TEX10: variants seen among roughly 807,000 people sequenced by gnomAD.
TEX10 encodes testis expressed 10, also known as testis-expressed protein 10.
TEX10 carries 24 observed loss-of-function variants against 104.4 expected under a neutral mutation model. That is an observed-to-expected ratio of 0.23 (90% confidence interval 0.17 to 0.32). TEX10 has a LOEUF of 0.32. TEX10 is among the 10% of genes least tolerant of loss of function. The pLI is 1.00. For missense variants in TEX10, 921 were observed against 1,083.9 expected (o/e 0.85, Z 2.11); for synonymous variants, 396 against 393.4 (o/e 1.01, Z -0.08).
chr9:100,352,381 C>G lies in TEX10; in HGVS notation c.-10+391G>C, dbSNP rs371872210. The stretch of plus-strand genomic sequence containing the variant: ...AGGGGACGCCAGCTCATCCCCACTC[C>G]GTATTCGGTCCTGCATCCATCCCAG... On this transcript the variant is annotated intron_variant, in intron 1 of 14. Transcript: ENST00000374902. 14 of 1,551,594 alleles carry G rather than the reference C, an allele frequency of 9.0e-6. No homozygotes were observed. In the African/African-American group the frequency reaches 1.9e-4, roughly 21 times the overall value.
chr9:100,333,636 TAAAA>T (rs60509628), intron 5 of TEX10, among the ~76,000 whole-genome samples: 62 of 109,762 alleles, frequency 5.6e-4, no homozygotes, highest in East Asian at 4.6e-3. Flanking sequence ...GACCCCATCA[TAAAA>T]AAAAAAAAAA....
chr9:100,326,164 T>G, intron 9 of TEX10, 138 bp downstream of exon 9: 1 of 834,616 alleles, frequency 1.2e-6, no homozygotes, highest in Non-Finnish European at 1.8e-6. Flanking sequence ...CTCTACCTAG[T>G]GATATAGTTT....
intron 4 of TEX10, among the ~76,000 whole-genome samples, chr9:100,344,375 C>A (rs2118927630): frequency 6.6e-6 from 1 of 152,232 alleles, no homozygotes; most frequent in Non-Finnish European, 1.5e-5. Flanking sequence ...TTAGTGTTAT[C>A]CAGATAAGAT....
In TEX10 at chr9:100,349,166, A is replaced by C. The variant is rs1280138994; in HGVS notation, c.180+18T>G. ...CCAAAGAAAATCTTATTTTGTCAAA[A>C]CATGATTTATGATTTACCTTTATGT... On this transcript the variant is annotated intron_variant, in intron 2 of 14. Transcript: ENST00000374902. 4.6e-6 allele frequency: 7 copies of C among 1,512,496 alleles called. No individual in the cohort carries two copies. The highest frequency in any genetic ancestry group is 6.2e-6 in the Non-Finnish European group (7 of 1,134,620). 93.7% of individuals were successfully genotyped at this position (1,512,496 alleles called of 1,614,324 possible). A position where few individuals can be genotyped will look rare whatever the true frequency, so the allele number is the denominator to read the frequency against.
chr9:100,306,828 T>C (rs1834155821), intron 13 of TEX10: 1 of 152,216 alleles, frequency 6.6e-6, no homozygotes, highest in Admixed American at 6.5e-5. Flanking sequence ...ATTTTGTTCA[T>C]TCCAGCCACA....
intron 5 of TEX10, among the ~76,000 whole-genome samples, chr9:100,339,349 CA>C (rs1264675577): frequency 4.4e-5 from 4 of 90,890 alleles, no homozygotes; most frequent in Middle Eastern, 6.3e-3. Flanking sequence ...ATATAATATA[CA>C]TTTTTATATA....
At chr9:100,340,622 G>A (rs1313272136) in intron 4 of TEX10, among the ~76,000 whole-genome samples, 1 of 152,152 alleles carries the variant, frequency 6.6e-6, no homozygotes, top group African/African-American at 2.4e-5. Flanking sequence ...AAAAGTGAAA[G>A]TATCTGAGAC....
chr9:100,347,557 G>A, intron 2 of TEX10, 151 bp from the exon 3 acceptor site: 1 of 546,114 alleles, frequency 1.8e-6, no homozygotes, highest in Middle Eastern at 5.1e-4. Context: ...GCTTTTGTTA[G>A]GATCAGAAAC....
At chr9:100,333,742 G>C (rs1587733447) in intron 5 of TEX10, among the ~76,000 whole-genome samples, 1 of 151,050 alleles carries the variant, frequency 6.6e-6, no homozygotes, top group Non-Finnish European at 1.5e-5. Flanking sequence ...GCTACAATAA[G>C]CAAGATAAGA....
intron 12 of TEX10, among the ~76,000 whole-genome samples, chr9:100,309,677 A>T (rs1834225917): frequency 6.6e-6 from 1 of 152,248 alleles, no homozygotes; most frequent in African/African-American, 2.4e-5. Flanking sequence ...TATTTTATCC[A>T]AACAAGTGTG....
rs367648075 is a variant in TEX10 at position 100,320,360 on chromosome 9, G to C, written c.2107C>G (p.Arg703Gly). ...KEELTWLQSL[R>G]GVPHVIQTQL... is the part of the protein sequence containing the mutation. ...GTCTGGATGACATGAGGAACTCCTCGAAGGCTCTGAAGCCAAGTCAACTCC... is the reference window on the plus strand; with the variant it reads ...GTCTGGATGACATGAGGAACTCCTCCAAGGCTCTGAAGCCAAGTCAACTCC... The change falls in exon 11 of 15, where the codon CGA becomes GGA. Residue 703 changes from arginine to glycine, a missense_variant. Arg to Gly is a moderately radical substitution (Grantham distance 125). Around this residue, in one of 3 missense-constraint regions of TEX10, gnomAD observed 753 missense variants for 868.4 expected, o/e 0.87. Coordinates refer to ENST00000374902, the MANE Select transcript of TEX10 (RefSeq NM_017746.4). 1.1e-5 allele frequency: 17 copies of C among 1,612,144 alleles called. No homozygotes were observed. Among genetic ancestry groups the C allele is most frequent in the Admixed American group, 1.7e-5 (1 of 59,918 alleles).
At chr9:100,320,011 T>C (rs1381771051) in intron 11 of TEX10, among the ~76,000 whole-genome samples, 2 of 152,202 alleles carry the variant, frequency 1.3e-5, no homozygotes, top group Non-Finnish European at 2.9e-5. Flanking sequence ...CCTCAAATTC[T>C]TACTCTTTCA....
chr9:100,349,456 G>GT, intron 1 of TEX10, 84 bp from the exon 2 acceptor site: 4 of 767,718 alleles, frequency 5.2e-6, no homozygotes, highest in Non-Finnish European at 7.6e-6. Context: ...ACATACTACT[G>GT]TAACATTTAT....
chr9:100,348,789 C>A (rs1415112067), intron 2 of TEX10, among the ~76,000 whole-genome samples: 6 of 152,090 alleles, frequency 3.9e-5, no homozygotes, highest in African/African-American at 9.7e-5. Context: ...CGCTCGCCTG[C>A]AGCCCCAGCT....
At chr9:100,307,122 C>T (rs1834160904) in intron 13 of TEX10, 1 of 152,158 alleles carries the variant, frequency 6.6e-6, no homozygotes, top group African/African-American at 2.4e-5. Context: ...AAGTGAAATA[C>T]ACAATTTTTT....
intron 5 of TEX10, among the ~76,000 whole-genome samples, chr9:100,338,159 C>A (rs1006352699): frequency 6.6e-6 from 1 of 152,152 alleles, no homozygotes; most frequent in Admixed American, 6.5e-5. Context: ...AAGAGGAAGA[C>A]GGGACACTCT....
chr9:100,327,367 A>C (rs1252313917), intron 8 of TEX10, among the ~76,000 whole-genome samples: 1 of 151,944 alleles, frequency 6.6e-6, no homozygotes, highest in South Asian at 2.1e-4. Flanking sequence ...GCATACATAC[A>C]TCCCAGTTAT....
intron 11 of TEX10, among the ~76,000 whole-genome samples, chr9:100,318,093 A>G (rs1834466295): frequency 6.6e-6 from 1 of 152,202 alleles, no homozygotes; most frequent in African/African-American, 2.4e-5. Flanking sequence ...CTACCACTCA[A>G]TCCAGCACTC....
chr9:100,321,699 T>G lies in TEX10; in HGVS notation c.2052A>C (p.Leu684Phe). The G allele has an allele frequency of 6.2e-7, 1 of 1,612,110 alleles. No individual in the cohort carries two copies. The highest frequency in any genetic ancestry group is 8.5e-7 in the Non-Finnish European group (1 of 1,179,532). Residue 684 changes from leucine to phenylalanine, a missense_variant, in exon 10 of 15, where the codon TTA becomes TTC. Coordinates refer to ENST00000374902, the MANE Select transcript of TEX10 (RefSeq NM_017746.4). ...LMSDVDYFSF[L>F]FSTLTGFSKE... ...TGTGGTTACCTGTAAGTGTGGAAAA[T>G]AAGAAGCTGAAATAGTCTACATCAC...
Sources: gnomAD v4.1 joint callset for allele counts (sites outside exome capture counted in the v4.1 genomes callset) on GRCh38, gnomAD v4.1.1 for gene constraint, gnomAD v4.1.1 regional missense constraint, MANE v1.5 for transcripts, NCBI Gene and HGNC (gene_info 2026-07-23, HGNC 2026-07-21) for gene names.